The following PSMD8 variants were observed in gnomAD, a reference collection of about 807,000 sequenced individuals.
PSMD8 encodes the protein 26S proteasome non-ATPase regulatory subunit 8.
PSMD8 carries 30 observed loss-of-function variants against 40.0 expected under a neutral mutation model. That is an observed-to-expected ratio of 0.75 (90% confidence interval 0.56 to 1.02). The LOEUF (loss-of-function observed/expected upper bound fraction) is 1.02, where lower values mean the gene tolerates loss of function less well. Among genes scored for constraint, PSMD8 ranks in the 50% least tolerant of loss-of-function variants. PSMD8 has a pLI of 0.00. For missense variants in PSMD8, 461 were observed against 463.9 expected (o/e 0.99, Z 0.06); for synonymous variants, 208 against 192.5 (o/e 1.08, Z -0.67).
At chr19:38,375,016 G>C (rs1456641826) in intron 1 of PSMD8, 55 bp downstream of exon 1, 9 of 1,533,308 alleles carry the variant, frequency 5.9e-6, no homozygotes, top group Non-Finnish European at 3.5e-6. Context: ...GGCGCTACGA[G>C]GTGTCTGGAC....
In PSMD8 at chr19:38,382,244, G is replaced by A; in HGVS notation, c.915+16G>A. 6 of 1,565,272 alleles carry A rather than the reference G, an allele frequency of 3.8e-6. No individual in the cohort carries two copies. The highest frequency in any genetic ancestry group is 5.2e-6 in the Non-Finnish European group (6 of 1,152,716). On this transcript the variant is annotated intron_variant, in intron 6 of 6. Coordinates refer to ENST00000215071, the MANE Select transcript of PSMD8 (RefSeq NM_002812.5). ...CGCCAAGAAGGTGGCTGGGGTACAG[G>A]GCAAGGGGCCGTGGGACCAAGGGGT... is the stretch of plus-strand genomic sequence containing the variant.
chr19:38,377,381 G>A (rs886147938), intron 3 of PSMD8, among the ~76,000 whole-genome samples: 1 of 151,820 alleles, frequency 6.6e-6, no homozygotes, highest in Non-Finnish European at 1.5e-5. Flanking sequence ...TGTAGAGATG[G>A]GGGTCTCGCT....
chr19:38,379,956 C>T (rs1271187146), intron 4 of PSMD8, among the ~76,000 whole-genome samples: 1 of 151,976 alleles, frequency 6.6e-6, no homozygotes, highest in Non-Finnish European at 1.5e-5. Flanking sequence ...GAGATTCTGT[C>T]TCTATTTAGA....
chr19:38,383,222 C>A, intron 6 of PSMD8, 31 bp from the exon 7 acceptor site: 2 of 1,611,918 alleles, frequency 1.2e-6, no homozygotes, highest in Non-Finnish European at 1.7e-6. Context: ...TGTGATCACT[C>A]TACTCGTCTC....
At chr19:38,375,086 G>T (rs1387964050) in intron 1 of PSMD8, 125 bp downstream of exon 1, 25 of 1,420,472 alleles carry the variant, frequency 1.8e-5, no homozygotes, top group Middle Eastern at 2.3e-4. Context: ...GGCGGGCTGG[G>T]GGATCCGATG....
Position 38,376,248 on chromosome 19 carries a change from G to T in PSMD8, c.433+16G>T, listed in dbSNP as rs1197551643. ...ATTCTGGCCCGTGAGTGTCACTGGG[G>T]TTGGTTGGGGGTGATAATCTGGGGG... On this transcript the variant is annotated intron_variant, in intron 2 of 6. Transcript: ENST00000215071. 2 of 1,585,926 alleles carry T rather than the reference G, an allele frequency of 1.3e-6. No individual in the cohort carries two copies. The highest frequency in any genetic ancestry group is 1.7e-6 in the Non-Finnish European group (2 of 1,164,026).
rs373679783 is a variant in PSMD8, at chr19:38,376,477, A to G, written c.536+23A>G. 2.6e-6 allele frequency: 4 copies of G among 1,521,668 alleles called. No homozygotes were observed. In the African/African-American group the frequency reaches 4.1e-5, roughly 16 times the overall value. 94.3% of individuals were successfully genotyped at this position (1,521,668 alleles called of 1,614,324 possible). Reference sequence around the variant, plus strand: ...CAAGTGAGAATGGGCCCTGCCCCCAACTGGGGGGGTGGTTGCATGGAAGCT... The same window carrying G: ...CAAGTGAGAATGGGCCCTGCCCCCAGCTGGGGGGGTGGTTGCATGGAAGCT... On this transcript the variant is annotated intron_variant, in intron 3 of 6. Coordinates refer to ENST00000215071, the MANE Select transcript of PSMD8 (RefSeq NM_002812.5).
intron 3 of PSMD8, among the ~76,000 whole-genome samples, chr19:38,378,261 A>G (rs1568387766): frequency 6.6e-6 from 1 of 151,434 alleles, no homozygotes; most frequent in Non-Finnish European, 1.5e-5. Flanking sequence ...TAATCCCAGC[A>G]CTTTGGGAGG....
At chr19:38,381,123 C>G (rs796407865) in intron 5 of PSMD8, 124 bp downstream of exon 5, 2 of 710,862 alleles carry the variant, frequency 2.8e-6, no homozygotes, top group African/African-American at 3.6e-5. Flanking sequence ...TTCTTATCCT[C>G]CTAGCACCTC....
In PSMD8 at chr19:38,376,239, G is replaced by A. The variant is rs781099155; in HGVS notation, c.433+7G>A. ...CAGCAGCTAATTCTGGCCCGTGAGT[G>A]TCACTGGGGTTGGTTGGGGGTGATA... On this transcript the variant is annotated splice_region_variant and intron_variant, in intron 2 of 6. Coordinates refer to ENST00000215071, the MANE Select transcript of PSMD8 (RefSeq NM_002812.5). 1 of 1,593,710 alleles carries A rather than the reference G, an allele frequency of 6.3e-7. No homozygotes were observed. The highest frequency in any genetic ancestry group is 8.6e-7 in the Non-Finnish European group (1 of 1,168,830).
rs1339188703 is a variant in PSMD8 at position 38,379,332 on chromosome 19, C to T, written c.629C>T (p.Thr210Met). ...CAGAACCGGGTGGCTGAGTTCCACA[C>T]GGAGTTGGAGCGGCTGCCTGCCAAG... ...LSQNRVAEFH[T>M]ELERLPAKDI... Residue 210 changes from threonine to methionine, a missense_variant, in exon 4 of 7, where the codon ACG becomes ATG. Around this residue, in one of 2 missense-constraint regions of PSMD8, gnomAD observed 236 missense variants for 321.2 expected, o/e 0.73. Transcript: ENST00000215071. 3.7e-6 allele frequency: 6 copies of T among 1,613,894 alleles called. No individual in the cohort carries two copies. The highest frequency in any genetic ancestry group is 5.1e-6 in the Non-Finnish European group (6 of 1,179,898).
intron 3 of PSMD8, among the ~76,000 whole-genome samples, chr19:38,378,534 G>C (rs2145127409): frequency 6.6e-6 from 1 of 151,218 alleles, no homozygotes; most frequent in East Asian, 2.0e-4. Context: ...AAATTAGCTG[G>C]GCATGGTGGT....
At chr19:38,376,481 G>C (rs2302227) in intron 3 of PSMD8, 27 bp downstream of exon 3, 18 of 1,520,662 alleles carry the variant, frequency 1.2e-5, no homozygotes, top group Admixed American at 3.9e-5. Context: ...CCCCCAACTG[G>C]GGGGGTGGTT....
chr19:38,383,421 G>C lies in PSMD8; in HGVS notation c.*31G>C. ...CCGGGCACTGGGTGGGGCAGGGCAC[G>C]AGTTATTTAAAACAGTTACACTGCA... On this transcript the variant is annotated 3_prime_UTR_variant, in exon 7 of 7. Transcript: ENST00000215071. 1 of 1,613,526 alleles carries C rather than the reference G, an allele frequency of 6.2e-7. No homozygotes were observed.
chr19:38,380,044 T>C (rs547211061), intron 4 of PSMD8, among the ~76,000 whole-genome samples: 5 of 152,196 alleles, frequency 3.3e-5, no homozygotes, highest in Non-Finnish European at 5.9e-5. Context: ...TCCCAGCACA[T>C]TGGGAGGCCG....
chr19:38,380,707 A>T (rs141029977), intron 4 of PSMD8, among the ~76,000 whole-genome samples, 192 bp from the exon 5 acceptor site: 3,514 of 120,686 alleles, frequency 0.029, 93 homozygotes, highest in East Asian at 0.12. Flanking sequence ...AGAGAGAGAG[A>T]GTGTGTGTGT....
chr19:38,379,146 C>A (rs1004212875), intron 3 of PSMD8, 94 bp from the exon 4 acceptor site: 2 of 1,284,900 alleles, frequency 1.6e-6, no homozygotes, highest in Non-Finnish European at 2.1e-6. Flanking sequence ...CAGGAAGATG[C>A]ATGGGGCGTT....
intron 3 of PSMD8, 21 bp downstream of exon 3, chr19:38,376,475 C>G (rs1307816594): frequency 5.2e-6 from 8 of 1,526,966 alleles, no homozygotes; most frequent in Non-Finnish European, 6.2e-6. Flanking sequence ...GCCCTGCCCC[C>G]AACTGGGGGG....
chr19:38,381,040 T>C (rs759773134), intron 5 of PSMD8, 41 bp downstream of exon 5: 4 of 1,459,286 alleles, frequency 2.7e-6, no homozygotes, highest in South Asian at 2.6e-5. Context: ...TGGAAAGAAC[T>C]TGGGCTTGAG....
Sources: gnomAD v4.1 joint callset for allele counts (sites outside exome capture counted in the v4.1 genomes callset) on GRCh38, gnomAD v4.1.1 for gene constraint, gnomAD v4.1.1 regional missense constraint, MANE v1.5 for transcripts, NCBI Gene and HGNC (gene_info 2026-07-23, HGNC 2026-07-21) for gene names.